BAZ2B: variants seen among roughly 807,000 people sequenced by gnomAD.
BAZ2B encodes bromodomain adjacent to zinc finger domain 2B.
A neutral mutation model predicts 246.0 loss-of-function variants in BAZ2B; 91 were observed. The ratio of observed to expected loss-of-function variants is 0.37; its 90% CI spans 0.31 to 0.44. BAZ2B has a LOEUF of 0.44. Ranked by LOEUF, BAZ2B falls within the 20% of genes least tolerant of loss-of-function variation. The pLI, the probability that BAZ2B is intolerant of heterozygous loss-of-function variation, is 1.00. For missense variants in BAZ2B, 2,332 were observed against 2,533.7 expected (o/e 0.92, Z 1.71); for synonymous variants, 855 against 860.0 (o/e 0.99, Z 0.10).
intron 27 of BAZ2B, among the ~76,000 whole-genome samples, chr2:159,355,877 T>G (rs988099216): frequency 3.9e-5 from 6 of 152,108 alleles, no homozygotes; most frequent in African/African-American, 1.4e-4. Context: ...ACCCAGGAAG[T>G]GCAAGGGGTC....
the BAZ2B span, among the ~76,000 whole-genome samples, chr2:159,625,186 G>A: frequency 1.3e-5 from 2 of 152,138 alleles, no homozygotes; most frequent in Non-Finnish European, 2.9e-5. Flanking sequence ...TATGTGAAAA[G>A]ACCAAACCTA....
At chr2:159,351,692 G>A (rs1274411859) in intron 27 of BAZ2B, among the ~76,000 whole-genome samples, 1 of 152,156 alleles carries the variant, frequency 6.6e-6, no homozygotes, top group Non-Finnish European at 1.5e-5. Flanking sequence ...CTGGTCATTA[G>A]TAAGGCTGAA....
At chr2:159,400,826 G>T (rs2064898405) in intron 16 of BAZ2B, among the ~76,000 whole-genome samples, 162 bp from the exon 17 acceptor site, 1 of 152,084 alleles carries the variant, frequency 6.6e-6, no homozygotes, top group African/African-American at 2.4e-5. Flanking sequence ...GGATCACAAG[G>T]TCAGGAGATC....
At chr2:159,579,426 ATAAT>A (rs1389577603) in intron 1 of BAZ2B, among the ~76,000 whole-genome samples, 1 of 152,186 alleles carries the variant, frequency 6.6e-6, no homozygotes, top group African/African-American at 2.4e-5. Flanking sequence ...AATTGAGGCA[ATAAT>A]TAATAGCCTA....
At chr2:159,560,786 C>A (rs2089770588) in intron 1 of BAZ2B, among the ~76,000 whole-genome samples, 1 of 152,036 alleles carries the variant, frequency 6.6e-6, no homozygotes, top group South Asian at 2.1e-4. Context: ...CTTGGCCTCC[C>A]AAAGTGCTGA....
At chr2:159,598,315 A>G (rs541727213) in intron 1 of BAZ2B, among the ~76,000 whole-genome samples, 18 of 152,176 alleles carry the variant, frequency 1.2e-4, no homozygotes, top group Non-Finnish European at 2.5e-4. Flanking sequence ...ACCTCATAAA[A>G]AAAGAGCTGC....
chr2:159,391,359 T>C (rs1489767038), intron 20 of BAZ2B, among the ~76,000 whole-genome samples: 1 of 152,146 alleles, frequency 6.6e-6, no homozygotes, highest in East Asian at 1.9e-4. Flanking sequence ...CTATGATGTC[T>C]GCACAATGAT....
Position 159,385,046 on chromosome 2 carries a change from CT to C in BAZ2B, c.3686+108del. On this transcript the variant is annotated intron_variant, in intron 23 of 36. Coordinates refer to ENST00000392783, the MANE Select transcript of BAZ2B (RefSeq NM_013450.4). ...AGATAAGTACAATTTTAATTTTCTT[CT>C]TTGTGCTAGTCTGTAACTTTCCAAT... 3 of 1,095,652 alleles carry C rather than the reference CT, an allele frequency of 2.7e-6. No homozygotes were observed. In the Admixed American group the frequency reaches 6.7e-5, roughly 24 times the overall value. The allele number at this position is 1,095,652 out of a possible 1,614,324, so 67.9% of individuals were successfully genotyped here. A position where few individuals can be genotyped will look rare whatever the true frequency, so the allele number is the denominator to read the frequency against.
intron 2 of BAZ2B, among the ~76,000 whole-genome samples, chr2:159,490,750 T>C (rs913418746): frequency 1.3e-5 from 2 of 152,188 alleles, no homozygotes; most frequent in South Asian, 2.1e-4. Context: ...GGCTAGTAAC[T>C]TGAAGGTTTT....
In BAZ2B at chr2:159,412,481, C is replaced by G; in HGVS notation, c.2531G>C (p.Arg844Pro). 6.2e-7 allele frequency: 1 copy of G among 1,614,060 alleles called. No homozygotes were observed. The highest frequency in any genetic ancestry group is 1.1e-5 in the South Asian group (1 of 91,074). ...ATCTGGATTTGGTGGTCTTCCTCTA[C>G]GACCTTCCATTGCCCTGATACGAGG... ...VIPRIRAMEG[R>P]RGRPPNPDRQ... is the part of the protein sequence containing the mutation. The change falls in exon 14 of 37, where the codon CGT (arginine) becomes CCT (proline). Residue 844 changes from arginine to proline, a missense_variant. By Grantham distance (103) the Arg-to-Pro change is moderately radical. Transcript: ENST00000392783.
At chr2:159,639,892 CA>C in the BAZ2B span, among the ~76,000 whole-genome samples, 1 of 151,826 alleles carries the variant, frequency 6.6e-6, no homozygotes, top group Non-Finnish European at 1.5e-5. Flanking sequence ...ACTCTCCAAT[CA>C]AAAGACACAG....
chr2:159,468,976 G>A (rs1296686270), intron 3 of BAZ2B, among the ~76,000 whole-genome samples: 9 of 151,298 alleles, frequency 5.9e-5, no homozygotes, highest in Non-Finnish European at 7.4e-5. Context: ...GCTTGAACAC[G>A]GGAGGCAGAG....
chr2:159,377,658 C>CTACCTT (rs2061543421), intron 25 of BAZ2B, among the ~76,000 whole-genome samples: 1 of 151,578 alleles, frequency 6.6e-6, no homozygotes, highest in Non-Finnish European at 1.5e-5. Context: ...ACTAAAAATA[C>CTACCTT]AAAAATTAGC....
rs2150284174 is a variant in BAZ2B at position 159,439,140 on chromosome 2, T to A, written c.769A>T (p.Ser257Cys). 1.9e-6 allele frequency: 3 copies of A among 1,614,016 alleles called. No individual in the cohort carries two copies. Among genetic ancestry groups the A allele is most frequent in the Non-Finnish European group, 8.5e-7 (1 of 1,179,942 alleles). ...SDSGTSSDTS[S>C]EGISSSDSDD... ...GAATCACTGCTACTAATGCCTTCAC[T>A]TGAGGTGTCTGATGATGTGCCTGAA... is the stretch of plus-strand genomic sequence containing the variant. The change falls in exon 7 of 37, where the codon AGT becomes TGT. Residue 257 changes from serine (S) to cysteine (C), a missense_variant. Physicochemically the swap from Ser to Cys is moderately radical, Grantham distance 112. Around this residue, in one of 9 missense-constraint regions of BAZ2B, gnomAD observed 161 missense variants for 225.8 expected, o/e 0.71. Coordinates refer to ENST00000392783, the MANE Select transcript of BAZ2B (RefSeq NM_013450.4).
chr2:159,586,252 G>A (rs555703417), intron 1 of BAZ2B, among the ~76,000 whole-genome samples: 17 of 152,216 alleles, frequency 1.1e-4, no homozygotes, highest in East Asian at 5.8e-4. Flanking sequence ...AAGAATTTGC[G>A]AGGATCTCAA....
At chr2:159,628,567 G>A in the BAZ2B span, among the ~76,000 whole-genome samples, 4 of 152,126 alleles carry the variant, frequency 2.6e-5, no homozygotes, top group African/African-American at 9.7e-5. Flanking sequence ...GAAGCAATGG[G>A]GAAAGGATTC....
chr2:159,612,481 A>C (rs143252755), intron 1 of BAZ2B, among the ~76,000 whole-genome samples: 4 of 152,234 alleles, frequency 2.6e-5, no homozygotes, highest in African/African-American at 4.8e-5. Context: ...GCTAAATCAT[A>C]TCTCTTCTTT....
chr2:159,695,421 C>CT, the BAZ2B span: 1 of 147,574 alleles, frequency 6.8e-6, no homozygotes, highest in Admixed American at 6.6e-5. Context: ...GGTGTCATAT[C>CT]TAAAAAAAAA....
At chr2:159,451,329 A>T (rs975299359) in intron 4 of BAZ2B, among the ~76,000 whole-genome samples, 2 of 152,226 alleles carry the variant, frequency 1.3e-5, no homozygotes. Flanking sequence ...TAGAAAGTGC[A>T]TAAAATATAA....
Sources: allele counts gnomAD v4.1 joint callset (sites outside exome capture counted in the v4.1 genomes callset), GRCh38; gene constraint gnomAD v4.1.1; regional missense constraint gnomAD v4.1.1; transcripts MANE v1.5; gene names NCBI Gene and HGNC (gene_info 2026-07-23, HGNC 2026-07-21).